OR2W3: variants seen among roughly 807,000 people sequenced by gnomAD.
OR2W3 encodes olfactory receptor family 2 subfamily W member 3.
For missense variants in OR2W3, 448 were observed against 397.0 expected, an observed-to-expected ratio of 1.13 and a Z score of -1.09; for synonymous variants, 196 against 168.2, an observed-to-expected ratio of 1.17 and a Z score of -1.28.
In OR2W3 at chr1:247,896,213, C is replaced by A; in HGVS notation, c.627C>A (p.Ser209=). The part of the protein sequence containing the change: ...VFVLAVGVVL[S]PLVFILLSYS... ...TCCTGGCGGTGGGTGTTGTGCTGTCCCCCTTGGTGTTTATCCTGCTCTCTT... is the reference window on the plus strand; with the variant it reads ...TCCTGGCGGTGGGTGTTGTGCTGTCACCCTTGGTGTTTATCCTGCTCTCTT... The change falls in exon 1 of 1, where the codon TCC becomes TCA. Residue 209 remains serine, a synonymous_variant. Coordinates refer to ENST00000360358, the MANE Select transcript of OR2W3 (RefSeq NM_001001957.2). The A allele has an allele frequency of 6.2e-7, 1 of 1,614,156 alleles. No individual in the cohort carries two copies. Among genetic ancestry groups the A allele is most frequent in the Non-Finnish European group, 8.5e-7 (1 of 1,180,018 alleles).
chr1:247,895,858 CCATCAGCTACATGGGCTGTG>C lies in OR2W3; in HGVS notation c.274_293del (p.Ile92HisfsTer23). The C allele has an allele frequency of 6.2e-7, 1 of 1,614,076 alleles. No individual in the cohort carries two copies. Among genetic ancestry groups the C allele is most frequent in the Non-Finnish European group, 8.5e-7 (1 of 1,179,950 alleles). On this transcript the variant is annotated frameshift_variant, in exon 1 of 1. Transcript: ENST00000360358. LOFTEE classifies it low-confidence loss of function (END_TRUNC). Reference sequence around the variant, plus strand: ...TACAACCTTAATGGATGTGACAAGACCATCAGCTACATGGGCTGTGCCATCCAGCTCTTCCTGTTCCTGGG... The same window carrying C: ...TACAACCTTAATGGATGTGACAAGACCCATCCAGCTCTTCCTGTTCCTGGG...
In OR2W3 at chr1:247,896,120, G is replaced by A; in HGVS notation, c.534G>A (p.Leu178=). The part of the protein sequence containing the change: ...RCGHHEVDHF[L]REMPALIRMA... ...GGCACCACGAGGTGGACCACTTCCT[G>A]CGTGAGATGCCCGCCCTGATCCGGA... is the stretch of plus-strand genomic sequence containing the variant. The change falls in exon 1 of 1, where the codon CTG becomes CTA. Residue 178 remains leucine (L), a synonymous_variant. Coordinates refer to ENST00000360358, the MANE Select transcript of OR2W3 (RefSeq NM_001001957.2). 6.2e-7 allele frequency: 1 copy of A among 1,614,152 alleles called. No individual in the cohort carries two copies. The highest frequency in any genetic ancestry group is 8.5e-7 in the Non-Finnish European group (1 of 1,179,998).
In OR2W3 at chr1:247,896,300, C is replaced by T. The variant is rs61748719; in HGVS notation, c.714C>T (p.Phe238=). Residue 238 remains phenylalanine, a synonymous_variant, in exon 1 of 1, where the codon TTC becomes TTT. Transcript: ENST00000360358. ...IRSASGRQKA[F]GTCGSHLTVV... is the part of the protein sequence containing the mutation. ...CAGCATCAGGAAGGCAGAAGGCCTT[C>T]GGCACCTGCGGCTCCCATCTCACTG... The T allele has an allele frequency of 3.0e-3, 4,899 of 1,614,086 alleles. 142 individuals are homozygous for T. In the African/African-American group the frequency reaches 0.058, roughly 19 times the overall value.
rs777261022 is a variant in OR2W3 at position 247,895,918 on chromosome 1, A to G, written c.332A>G (p.Glu111Gly). The change falls in exon 1 of 1, where the codon GAG (glutamate) becomes GGG (glycine). Residue 111 changes from glutamate (E) to glycine (G), a missense_variant. Physicochemically the swap from Glu to Gly is moderately conservative, Grantham distance 98 (BLOSUM62 -2). Coordinates refer to ENST00000360358, the MANE Select transcript of OR2W3 (RefSeq NM_001001957.2). ...LFLFLGLGGV[E>G]CLLLAVMAYD... ...CTGTTCCTGGGTCTGGGTGGTGTGG[A>G]GTGCCTGCTTCTGGCTGTCATGGCC... 2 of 1,613,916 alleles carry G rather than the reference A, an allele frequency of 1.2e-6. No homozygotes were observed. The highest frequency in any genetic ancestry group is 8.5e-7 in the Non-Finnish European group (1 of 1,179,926).
Position 247,896,449 on chromosome 1 carries a change from T to C in OR2W3, c.863T>C (p.Leu288Pro). The C allele has an allele frequency of 6.2e-7, 1 of 1,610,870 alleles. No individual in the cohort carries two copies. The highest frequency in any genetic ancestry group is 1.3e-5 in the African/African-American group (1 of 74,114). Residue 288 changes from leucine (L) to proline (P), a missense_variant, in exon 1 of 1, where the codon CTC (leucine) becomes CCC (proline). Coordinates refer to ENST00000360358, the MANE Select transcript of OR2W3 (RefSeq NM_001001957.2). ...ATTGTCACCCCCCTCCTCAATCCTC[T>C]CATCTACACCCTCAGAAACAGAGAG... ...YNIVTPLLNP[L>P]IYTLRNREVK...
chr1:247,896,311 G>A lies in OR2W3; in HGVS notation c.725G>A (p.Gly242Asp), dbSNP rs1323055342. The change falls in exon 1 of 1, where the codon GGC becomes GAC. Residue 242 changes from glycine (G) to aspartate (D), a missense_variant. Physicochemically the swap from Gly to Asp is moderately conservative, Grantham distance 94. Coordinates refer to ENST00000360358, the MANE Select transcript of OR2W3 (RefSeq NM_001001957.2). ...AGGCAGAAGGCCTTCGGCACCTGCG[G>A]CTCCCATCTCACTGTGGTCTCCCTT... Reference protein sequence around the residue: ...SGRQKAFGTCGSHLTVVSLFY... With the variant: ...SGRQKAFGTCDSHLTVVSLFY... The A allele has an allele frequency of 1.9e-6, 3 of 1,614,042 alleles. No homozygotes were observed. Among genetic ancestry groups the A allele is most frequent in the Non-Finnish European group, 2.5e-6 (3 of 1,180,014 alleles).
Position 247,895,796 on chromosome 1 carries a change from C to G in OR2W3, c.210C>G (p.Asp70Glu), listed in dbSNP as rs187247336. ...YFFLAHLSFLDLSFTTSSIPQ... is the reference protein window; with the variant it reads ...YFFLAHLSFLELSFTTSSIPQ... The stretch of plus-strand genomic sequence containing the variant: ...TCCTCGCCCACCTTTCCTTCCTGGA[C>G]CTCAGTTTCACCACCAGCTCCATCC... Residue 70 changes from aspartate to glutamate, a missense_variant, in exon 1 of 1, where the codon GAC becomes GAG. Physicochemically the swap from Asp to Glu is conservative, Grantham distance 45 (BLOSUM62 2). Transcript: ENST00000360358. The G allele has an allele frequency of 1.1e-4, 180 of 1,614,026 alleles. 2 individuals carry two copies. The East Asian group carries it at 2.8e-3, about 25-fold the overall frequency.
rs759183657 is a variant in OR2W3 at position 247,896,216 on chromosome 1, C to A, written c.630C>A (p.Pro210=). ...TGGCGGTGGGTGTTGTGCTGTCCCC[C>A]TTGGTGTTTATCCTGCTCTCTTACA... ...FVLAVGVVLS[P]LVFILLSYSY... The change falls in exon 1 of 1, where the codon CCC becomes CCA. Residue 210 remains proline (P), a synonymous_variant. Coordinates refer to ENST00000360358, the MANE Select transcript of OR2W3 (RefSeq NM_001001957.2). The A allele has an allele frequency of 1.9e-6, 3 of 1,614,188 alleles. No individual in the cohort carries two copies. The South Asian group carries it at 3.3e-5, about 18-fold the overall frequency.
rs1392106751 is a variant in OR2W3, at chr1:247,896,218, T to A, written c.632T>A (p.Leu211Ter). 1.2e-6 allele frequency: 2 copies of A among 1,614,192 alleles called. No individual in the cohort carries two copies. The highest frequency in any genetic ancestry group is 2.2e-5 in the South Asian group (2 of 91,086). Residue 211 changes from leucine to a stop codon, truncating the protein, a stop_gained, in exon 1 of 1, where the codon TTG becomes TAG. Transcript: ENST00000360358. LOFTEE classifies it low-confidence loss of function (END_TRUNC). ...GCGGTGGGTGTTGTGCTGTCCCCCT[T>A]GGTGTTTATCCTGCTCTCTTACAGC... ...VLAVGVVLSP[L>*]VFILLSYSYI...
Position 247,896,434 on chromosome 1 carries a change from C to A in OR2W3, c.848C>A (p.Pro283His). The stretch of plus-strand genomic sequence containing the variant: ...ATGCTCTTCTACAACATTGTCACCC[C>A]CCTCCTCAATCCTCTCATCTACACC... The part of the protein sequence containing the change: ...FLMLFYNIVT[P>H]LLNPLIYTLR... The change falls in exon 1 of 1, where the codon CCC becomes CAC. Residue 283 changes from proline to histidine, a missense_variant. Coordinates refer to ENST00000360358, the MANE Select transcript of OR2W3 (RefSeq NM_001001957.2). The A allele has an allele frequency of 6.2e-7, 1 of 1,613,126 alleles. No individual in the cohort carries two copies. Among genetic ancestry groups the A allele is most frequent in the Non-Finnish European group, 8.5e-7 (1 of 1,179,602 alleles).
chr1:247,896,216 C>G lies in OR2W3; in HGVS notation c.630C>G (p.Pro210=), dbSNP rs759183657. ...TGGCGGTGGGTGTTGTGCTGTCCCC[C>G]TTGGTGTTTATCCTGCTCTCTTACA... The part of the protein sequence containing the change: ...FVLAVGVVLS[P]LVFILLSYSY... The change falls in exon 1 of 1, where the codon CCC becomes CCG. Residue 210 remains proline, a synonymous_variant. Coordinates refer to ENST00000360358, the MANE Select transcript of OR2W3 (RefSeq NM_001001957.2). The G allele has an allele frequency of 6.2e-7, 1 of 1,614,188 alleles. No individual in the cohort carries two copies. The highest frequency in any genetic ancestry group is 2.2e-5 in the East Asian group (1 of 44,876).
chr1:247,895,630 T>A lies in OR2W3; in HGVS notation c.44T>A (p.Leu15Gln), dbSNP rs1215357463. The A allele has an allele frequency of 3.1e-6, 5 of 1,613,878 alleles. No homozygotes were observed. The highest frequency in any genetic ancestry group is 4.2e-6 in the Non-Finnish European group (5 of 1,179,930). The change falls in exon 1 of 1, where the codon CTG becomes CAG. Residue 15 changes from leucine to glutamine, a missense_variant. Physicochemically the swap from Leu to Gln is moderately radical, Grantham distance 113. Coordinates refer to ENST00000360358, the MANE Select transcript of OR2W3 (RefSeq NM_001001957.2). ...AGCACCCAAACCCATTTCATCCTAC[T>A]GGGATTCTCTGACCGACCCCATCTG... ...NGSTQTHFIL[L>Q]GFSDRPHLER...
rs1156309443 is a variant in OR2W3, at chr1:247,896,519, A to G, written c.933A>G (p.Leu311=). Reference sequence around the variant, plus strand: ...GGTTGCTTCTGGGGAAGAGAGAGCTAGGAAAGGAGTAAAGGCATCTCCACC... The same window carrying G: ...GGTTGCTTCTGGGGAAGAGAGAGCTGGGAAAGGAGTAAAGGCATCTCCACC... ...LGRLLLGKRE[L]GKE Residue 311 remains leucine, a synonymous_variant, in exon 1 of 1, where the codon CTA becomes CTG. Transcript: ENST00000360358. 2.5e-6 allele frequency: 4 copies of G among 1,607,054 alleles called. No individual in the cohort carries two copies. In the South Asian group the frequency reaches 3.3e-5, roughly 13 times the overall value.
chr1:247,896,102 C>G lies in OR2W3; in HGVS notation c.516C>G (p.His172Gln), dbSNP rs146580625. 2.5e-6 allele frequency: 4 copies of G among 1,614,192 alleles called. No individual in the cohort carries two copies. The African/African-American group carries it at 5.3e-5, about 22-fold the overall frequency. Residue 172 changes from histidine to glutamine, a missense_variant, in exon 1 of 1, where the codon CAC (histidine) becomes CAG (glutamine). His to Gln is a conservative substitution (Grantham distance 24, BLOSUM62 0). Coordinates refer to ENST00000360358, the MANE Select transcript of OR2W3 (RefSeq NM_001001957.2). Reference sequence around the variant, plus strand: ...TGCGCTTACCCCGCTGTGGGCACCACGAGGTGGACCACTTCCTGCGTGAGA... The same window carrying G: ...TGCGCTTACCCCGCTGTGGGCACCAGGAGGTGGACCACTTCCTGCGTGAGA... ...VTLRLPRCGH[H>Q]EVDHFLREMP...
In OR2W3 at chr1:247,895,664, C is replaced by T; in HGVS notation, c.78C>T (p.Ile26=). ...GFSDRPHLER[I]LFVVILIAYL... is the part of the protein sequence containing the mutation. ...CTGACCGACCCCATCTGGAGAGGAT[C>T]CTCTTTGTGGTCATCCTGATCGCGT... is the stretch of plus-strand genomic sequence containing the variant. Residue 26 remains isoleucine (I), a synonymous_variant, in exon 1 of 1, where the codon ATC becomes ATT. Transcript: ENST00000360358. 6.2e-7 allele frequency: 1 copy of T among 1,613,952 alleles called. No homozygotes were observed. Among genetic ancestry groups the T allele is most frequent in the Non-Finnish European group, 8.5e-7 (1 of 1,179,876 alleles).
At position 247,895,857 on chromosome 1, in the gene OR2W3, A is replaced by G; in HGVS notation, c.271A>G (p.Thr91Ala). ...LLYNLNGCDK[T>A]ISYMGCAIQL... ...CTACAACCTTAATGGATGTGACAAG[A>G]CCATCAGCTACATGGGCTGTGCCAT... Residue 91 changes from threonine to alanine, a missense_variant, in exon 1 of 1, where the codon ACC (threonine) becomes GCC (alanine). By Grantham distance (58) the Thr-to-Ala change is moderately conservative. Coordinates refer to ENST00000360358, the MANE Select transcript of OR2W3 (RefSeq NM_001001957.2). 2 of 1,613,848 alleles carry G rather than the reference A, an allele frequency of 1.2e-6. No individual in the cohort carries two copies. Among genetic ancestry groups the G allele is most frequent in the Non-Finnish European group, 1.7e-6 (2 of 1,179,928 alleles).
rs1483143949 is a variant in OR2W3, at chr1:247,895,736, G to C, written c.150G>C (p.Arg50=). The part of the protein sequence containing the change: ...VGNTTIILVS[R]LDPHLHTPMY... ...ACACCACCATCATCCTGGTGTCCCG[G>C]CTGGACCCCCACCTCCACACCCCCA... Residue 50 remains arginine (R), a synonymous_variant, in exon 1 of 1, where the codon CGG becomes CGC. Transcript: ENST00000360358. 6.2e-7 allele frequency: 1 copy of C among 1,613,784 alleles called. No individual in the cohort carries two copies.
In OR2W3 at chr1:247,896,302, G is replaced by A; in HGVS notation, c.716G>A (p.Gly239Asp). The change falls in exon 1 of 1, where the codon GGC (glycine) becomes GAC (aspartate). Residue 239 changes from glycine (G) to aspartate (D), a missense_variant. Gly to Asp is a moderately conservative substitution (Grantham distance 94). Transcript: ENST00000360358. Reference sequence around the variant, plus strand: ...GCATCAGGAAGGCAGAAGGCCTTCGGCACCTGCGGCTCCCATCTCACTGTG... The same window carrying A: ...GCATCAGGAAGGCAGAAGGCCTTCGACACCTGCGGCTCCCATCTCACTGTG... ...RSASGRQKAF[G>D]TCGSHLTVVS... 6.2e-7 allele frequency: 1 copy of A among 1,614,026 alleles called. No homozygotes were observed. The highest frequency in any genetic ancestry group is 1.1e-5 in the South Asian group (1 of 91,084).
rs934412163 is a variant in OR2W3 at position 247,896,322 on chromosome 1, A to G, written c.736A>G (p.Thr246Ala). The G allele has an allele frequency of 6.2e-7, 1 of 1,613,964 alleles. No individual in the cohort carries two copies. Among genetic ancestry groups the G allele is most frequent in the African/African-American group, 1.3e-5 (1 of 74,900 alleles). The change falls in exon 1 of 1, where the codon ACT becomes GCT. Residue 246 changes from threonine to alanine, a missense_variant. Coordinates refer to ENST00000360358, the MANE Select transcript of OR2W3 (RefSeq NM_001001957.2). ...KAFGTCGSHL[T>A]VVSLFYGNII... The stretch of plus-strand genomic sequence containing the variant: ...CTTCGGCACCTGCGGCTCCCATCTC[A>G]CTGTGGTCTCCCTTTTCTATGGAAA...
Sources: gnomAD v4.1 joint callset for allele counts on GRCh38, gnomAD v4.1.1 for gene constraint, MANE v1.5 for transcripts, NCBI Gene and HGNC (gene_info 2026-07-23, HGNC 2026-07-21) for gene names.